PTPRN2: variants seen among roughly 807,000 people sequenced by gnomAD.
The protein encoded by PTPRN2 is receptor-type tyrosine-protein phosphatase N2.
A neutral mutation model predicts 118.8 loss-of-function variants in PTPRN2; 74 were observed. That is an observed-to-expected ratio of 0.62 (90% confidence interval 0.52 to 0.76). The LOEUF (loss-of-function observed/expected upper bound fraction) is 0.76, where lower values mean the gene tolerates loss of function less well. Among genes scored for constraint, PTPRN2 ranks in the 30% least tolerant of loss-of-function variants. The pLI is 0.00. For missense variants in PTPRN2, 1,481 were observed against 1,394.4 expected (o/e 1.06, Z -0.99); for synonymous variants, 641 against 608.0 (o/e 1.05, Z -0.80).
chr7:157,673,463 G>A (rs1021877528), intron 13 of PTPRN2, among the ~76,000 whole-genome samples: 4 of 152,224 alleles, frequency 2.6e-5, no homozygotes, highest in African/African-American at 9.6e-5. Context: ...AACAGGAAAA[G>A]CCGCTGTTCA....
chr7:157,900,654 C>T (rs767613790), intron 11 of PTPRN2, among the ~76,000 whole-genome samples: 1 of 152,238 alleles, frequency 6.6e-6, no homozygotes. Flanking sequence ...CTGAGCTCCT[C>T]AGTCTGACGA....
At chr7:157,899,436 G>A (rs528690908) in intron 11 of PTPRN2, among the ~76,000 whole-genome samples, 6 of 152,344 alleles carry the variant, frequency 3.9e-5, no homozygotes, top group South Asian at 4.1e-4. Flanking sequence ...CAGAGAGGAC[G>A]GGTGTCACAA....
chr7:157,834,008 CT>C (rs1807763860), intron 12 of PTPRN2, among the ~76,000 whole-genome samples: 1 of 152,254 alleles, frequency 6.6e-6, no homozygotes, highest in Admixed American at 6.5e-5. Flanking sequence ...CGGATTTCTC[CT>C]CTGCCAACGT....
intron 12 of PTPRN2, among the ~76,000 whole-genome samples, chr7:157,812,815 C>T (rs1251912761): frequency 3.9e-5 from 6 of 152,146 alleles, no homozygotes; most frequent in South Asian, 4.1e-4. Flanking sequence ...GTTGAGTTCC[C>T]GGAGCGGTAG....
At chr7:157,635,668 C>T (rs977035842) in intron 14 of PTPRN2, among the ~76,000 whole-genome samples, 7 of 152,222 alleles carry the variant, frequency 4.6e-5, no homozygotes, top group Non-Finnish European at 1.0e-4. Flanking sequence ...TCACCCCAGC[C>T]AGGATATCTG....
chr7:158,002,127 C>T (rs1805307619), intron 11 of PTPRN2, among the ~76,000 whole-genome samples: 1 of 152,210 alleles, frequency 6.6e-6, no homozygotes, highest in African/African-American at 2.4e-5. Context: ...GGAGCCACAT[C>T]TCACCACCAA....
At chr7:158,320,755 A>G (rs944634244) in intron 2 of PTPRN2, among the ~76,000 whole-genome samples, 1 of 152,166 alleles carries the variant, frequency 6.6e-6, no homozygotes, top group African/African-American at 2.4e-5. Flanking sequence ...TATTCTAGTA[A>G]ATACTCAGCA....
At chr7:157,565,255 G>A (rs540281894) in intron 21 of PTPRN2, among the ~76,000 whole-genome samples, 88 of 152,304 alleles carry the variant, frequency 5.8e-4, no homozygotes, top group African/African-American at 1.5e-3. Context: ...TCACATTCAC[G>A]CCGTGAGACT....
intron 12 of PTPRN2, among the ~76,000 whole-genome samples, chr7:157,882,788 AT>A (rs1398059640): frequency 6.6e-6 from 1 of 151,104 alleles, no homozygotes; most frequent in Non-Finnish European, 1.5e-5. Flanking sequence ...CACCCCAAAA[AT>A]GACTATCAGA....
In PTPRN2 at chr7:158,203,602, C is replaced by CG. The variant is rs1826847985; in HGVS notation, c.380+1568_380+1569insC. Among the ~76,000 whole-genome samples the CG allele has an allele frequency of 2.0e-5, 3 of 151,950 alleles. No homozygotes were observed. In the South Asian group the frequency reaches 6.2e-4, roughly 32 times the overall value. The stretch of plus-strand genomic sequence containing the variant: ...TCTGTTTGCCCTGTTCTGCACCCCC[C>CG]CAGAGTGAGGAGGAGCCATCCCTTG... On this transcript the variant is annotated intron_variant, in intron 4 of 22. Transcript: ENST00000389418.
chr7:158,112,617 GAC>G (rs1183682970), intron 9 of PTPRN2, among the ~76,000 whole-genome samples: 3 of 152,350 alleles, frequency 2.0e-5, no homozygotes, highest in African/African-American at 7.2e-5. Flanking sequence ...GAGTGGTGCT[GAC>G]AGAGTCAGGA....
intron 3 of PTPRN2, among the ~76,000 whole-genome samples, chr7:158,269,845 C>T (rs564011304): frequency 2.1e-4 from 32 of 150,368 alleles, no homozygotes; most frequent in Admixed American, 1.3e-3. Context: ...GATAGGGAGT[C>T]GGAGACACAG....
chr7:158,488,972 T>C (rs1483961736), intron 2 of PTPRN2, among the ~76,000 whole-genome samples: 3 of 152,232 alleles, frequency 2.0e-5, no homozygotes, highest in African/African-American at 7.2e-5. Flanking sequence ...CCGGGTGGCG[T>C]CTGCCCTGGG....
At chr7:158,381,776 T>C (rs997650972) in intron 2 of PTPRN2, among the ~76,000 whole-genome samples, 1 of 152,184 alleles carries the variant, frequency 6.6e-6, no homozygotes, top group Non-Finnish European at 1.5e-5. Context: ...TTTAATTGAC[T>C]CACAGTTCCA....
At chr7:157,982,742 A>G in intron 11 of PTPRN2, among the ~76,000 whole-genome samples, 1 of 117,936 alleles carries the variant, frequency 8.5e-6, no homozygotes, top group African/African-American at 3.4e-5. Flanking sequence ...CACAGAGACG[A>G]GGAGGGGAAT....
intron 11 of PTPRN2, among the ~76,000 whole-genome samples, chr7:158,024,511 G>A (rs1442684395): frequency 6.6e-6 from 1 of 152,164 alleles, no homozygotes; most frequent in East Asian, 1.9e-4. Flanking sequence ...GGCACACAGG[G>A]CACCCGTGCA....
rs114338194 is a variant in PTPRN2, at chr7:158,342,695, T to A, written c.164-25763A>T. Among the ~76,000 whole-genome samples the A allele has an allele frequency of 6.1e-3, 924 of 152,258 alleles. 13 individuals are homozygous for A. Among genetic ancestry groups the A allele is most frequent in the African/African-American group, 0.021 (859 of 41,542 alleles). On this transcript the variant is annotated intron_variant, in intron 2 of 22. Coordinates refer to ENST00000389418, the MANE Select transcript of PTPRN2 (RefSeq NM_002847.5). The stretch of plus-strand genomic sequence containing the variant: ...GTGGCATAAACTGTCATGGTCCCCA[T>A]TCCATATTCAGAAACTAGAGCCCAG...
chr7:158,545,802 C>T (rs903875428), intron 1 of PTPRN2, among the ~76,000 whole-genome samples: 9 of 152,146 alleles, frequency 5.9e-5, no homozygotes, highest in African/African-American at 2.2e-4. Flanking sequence ...AGTTCAAGAC[C>T]GGTCTGGCCA....
At chr7:158,081,197 G>T in intron 11 of PTPRN2, 101 bp downstream of exon 11, 2 of 1,217,116 alleles carry the variant, frequency 1.6e-6, no homozygotes, top group Admixed American at 1.8e-5. Context: ...TGTGGGTAGT[G>T]TGAGTCTCTC....
Sources: gnomAD v4.1 joint callset for allele counts (sites outside exome capture counted in the v4.1 genomes callset) on GRCh38, gnomAD v4.1.1 for gene constraint, MANE v1.5 for transcripts, NCBI Gene and HGNC (gene_info 2026-07-23, HGNC 2026-07-21) for gene names.